Variants in KCNK2 observed in about 807,000 individuals in gnomAD.
KCNK2 encodes potassium two pore domain channel subfamily K member 2, also known as potassium channel subfamily K member 2.
KCNK2 carries 21 observed loss-of-function variants against 40.5 expected under a neutral mutation model. The observed-to-expected ratio is 0.52, with a 90% CI of 0.37 to 0.75. The LOEUF (loss-of-function observed/expected upper bound fraction) is 0.75. Among genes scored for constraint, KCNK2 ranks in the 30% least tolerant of loss-of-function variants. The pLI is 0.00. For missense variants in KCNK2, 399 were observed against 531.6 expected (o/e 0.75, Z 2.45); for synonymous variants, 191 against 202.2 (o/e 0.94, Z 0.47).
chr1:215,128,149 T>C (rs1661515184), intron 3 of KCNK2, among the ~76,000 whole-genome samples: 1 of 152,154 alleles, frequency 6.6e-6, no homozygotes, highest in Non-Finnish European at 1.5e-5. Flanking sequence ...GAGAAAGAGT[T>C]GAGGGATGCT....
chr1:215,036,997 T>C (rs1650979780), intron 1 of KCNK2, among the ~76,000 whole-genome samples: 1 of 89,044 alleles, frequency 1.1e-5, no homozygotes, highest in Non-Finnish European at 2.3e-5. Flanking sequence ...TAATGCCTTT[T>C]ATTCCTTTTT....
At position 215,086,497 on chromosome 1, in the gene KCNK2, G is replaced by A; in HGVS notation, c.176G>A (p.Trp59Ter). The part of the protein sequence containing the change: ...ESDTTINVMK[W>*]KTVSTIFLVV... ...GACACGACCATTAATGTTATGAAATGGAAGACGGTCTCCACGATATTCCTG... is the reference window on the plus strand; with the variant it reads ...GACACGACCATTAATGTTATGAAATAGAAGACGGTCTCCACGATATTCCTG... Residue 59 changes from tryptophan to a stop codon, truncating the protein, a stop_gained, in exon 2 of 7, where the codon TGG becomes TAG. Coordinates refer to ENST00000444842, the MANE Select transcript of KCNK2 (RefSeq NM_001017425.3). LOFTEE classifies it high-confidence loss of function. 6.2e-7 allele frequency: 1 copy of A among 1,614,144 alleles called. No homozygotes were observed. Among genetic ancestry groups the A allele is most frequent in the Non-Finnish European group, 8.5e-7 (1 of 1,180,030 alleles).
At chr1:215,013,096 C>T (rs1656464856) in intron 1 of KCNK2, among the ~76,000 whole-genome samples, 1 of 151,258 alleles carries the variant, frequency 6.6e-6, no homozygotes, top group African/African-American at 2.4e-5. Context: ...TTTCTTTTTT[C>T]AAAATATTTG....
rs565952758 is a variant in KCNK2, at chr1:215,235,421, T to C, written c.*276T>C. 8.1e-6 allele frequency: 3 copies of C among 369,046 alleles called. No individual in the cohort carries two copies. Among genetic ancestry groups the C allele is most frequent in the African/African-American group, 2.0e-5 (1 of 49,620 alleles). The allele number at this position is 369,046 out of a possible 1,614,324, so 22.9% of individuals were successfully genotyped here. A position where few individuals can be genotyped will look rare whatever the true frequency, so the allele number is the denominator to read the frequency against. ...TGCCCAGACTGTTTTCCTCTCTCTT[T>C]CCCTAATGTGCCATAAGGCCTCAGA... On this transcript the variant is annotated 3_prime_UTR_variant, in exon 7 of 7. Transcript: ENST00000444842.
Position 215,059,048 on chromosome 1 carries a change from T to C in KCNK2, c.35-27320T>C, listed in dbSNP as rs749325730. On this transcript the variant is annotated intron_variant, in intron 1 of 6. Coordinates refer to the KCNK2 transcript ENST00000391895. ...GTATGTATGTGTGTGTGTATGCACA[T>C]ATACATGTGTATATATATATACACA... Among the ~76,000 whole-genome samples, 26 of 149,042 alleles carry C rather than the reference T, an allele frequency of 1.7e-4. 2 individuals are homozygous for C. Among genetic ancestry groups the C allele is most frequent in the Middle Eastern group, 3.4e-3 (1 of 292 alleles).
At chr1:215,038,666 A>G (rs1657464640) in intron 1 of KCNK2, among the ~76,000 whole-genome samples, 2 of 152,134 alleles carry the variant, frequency 1.3e-5, no homozygotes, top group East Asian at 1.9e-4. Context: ...CTTCTAGAAC[A>G]GGGAAGCCTT....
intron 1 of KCNK2, among the ~76,000 whole-genome samples, chr1:215,007,039 G>GTGTGTGTGTGTGTATATATATA (rs1558053946): frequency 2.9e-5 from 2 of 69,694 alleles, no homozygotes; most frequent in Admixed American, 1.4e-4. Context: ...ATATATATAT[G>GTGTGTGTGTGTGTATATATATA]TGTGTGTGTG....
intron 1 of KCNK2, among the ~76,000 whole-genome samples, chr1:215,032,292 C>G (rs891560160): frequency 2.6e-5 from 4 of 151,830 alleles, no homozygotes; most frequent in African/African-American, 9.7e-5. Flanking sequence ...TGTCTGTGGT[C>G]CCAGCTACTA....
intron 6 of KCNK2, among the ~76,000 whole-genome samples, chr1:215,223,241 T>TAAAAAAAAAAAAAAAAAAAAAAAAAAA (rs56890763): frequency 8.9e-6 from 1 of 112,054 alleles, no homozygotes; most frequent in Admixed American, 9.7e-5. Flanking sequence ...AGCTCTTTTC[T>TAAAAAAAAAAAAAAAAAAAAAAAAAAA]AAAAAAAAAA....
chr1:215,064,667 G>A (rs905964112), intron 1 of KCNK2, among the ~76,000 whole-genome samples: 5 of 152,148 alleles, frequency 3.3e-5, no homozygotes, highest in African/African-American at 1.2e-4. Context: ...GGGAAGAAGA[G>A]GATGATACCA....
intron 6 of KCNK2, among the ~76,000 whole-genome samples, chr1:215,214,315 A>G (rs1665869600): frequency 6.6e-6 from 1 of 152,110 alleles, no homozygotes; most frequent in Non-Finnish European, 1.5e-5. Context: ...AAACAACCAG[A>G]TCTTACAGTA....
chr1:215,018,073 A>G (rs1455627540), intron 1 of KCNK2, among the ~76,000 whole-genome samples: 1 of 152,212 alleles, frequency 6.6e-6, no homozygotes, highest in Non-Finnish European at 1.5e-5. Flanking sequence ...AATTGAGAAC[A>G]TATATAATAA....
chr1:215,121,956 A>G (rs1173903894), intron 2 of KCNK2, among the ~76,000 whole-genome samples: 1 of 152,198 alleles, frequency 6.6e-6, no homozygotes, highest in Non-Finnish European at 1.5e-5. Context: ...CAAACAGAAG[A>G]TCTTTGATAT....
In KCNK2 at chr1:215,126,855, G is replaced by A. The variant is rs1197208610; in HGVS notation, c.475+2105G>A. Among the ~76,000 whole-genome samples, 3 of 152,076 alleles carry A rather than the reference G, an allele frequency of 2.0e-5. No homozygotes were observed. The South Asian group carries it at 6.2e-4, about 32-fold the overall frequency. On this transcript the variant is annotated intron_variant, in intron 3 of 6. Transcript: ENST00000444842. ...TCTTCAGTGGATTAAGTCATTCTGA[G>A]TGACCCACATGAGGACTTTTTACTG...
intron 3 of KCNK2, 144 bp from the exon 4 acceptor site, chr1:215,169,055 A>G (rs1361448661): frequency 8.9e-6 from 5 of 560,380 alleles, no homozygotes; most frequent in Non-Finnish European, 1.6e-5. Flanking sequence ...AACATATTAC[A>G]ATAGTATGTA....
chr1:215,031,599 T>C lies in KCNK2; in HGVS notation c.34+25644T>C, dbSNP rs556341199. ...TTTGGATTAGGGTGCTGAGTTGGCA[T>C]AATGCAAATTCTTCAAAATCTGAAA... On this transcript the variant is annotated intron_variant, in intron 1 of 6. Transcript: ENST00000391895. Among the ~76,000 whole-genome samples, 42 of 152,272 alleles carry C rather than the reference T, an allele frequency of 2.8e-4. No homozygotes were observed. The South Asian group carries it at 3.9e-3, about 14-fold the overall frequency.
At chr1:215,202,040 GA>G (rs1558136484) in intron 6 of KCNK2, among the ~76,000 whole-genome samples, 1 of 152,098 alleles carries the variant, frequency 6.6e-6, no homozygotes, top group Non-Finnish European at 1.5e-5. Flanking sequence ...TTCTCTTACT[GA>G]GATATTCAAG....
upstream of KCNK2, among the ~76,000 whole-genome samples, chr1:215,077,838 C>T (rs1659001577): frequency 1.3e-5 from 2 of 152,164 alleles, no homozygotes; most frequent in African/African-American, 4.8e-5. Context: ...CTTCTTTACA[C>T]CAGCCTTCCC....
intron 1 of KCNK2, among the ~76,000 whole-genome samples, chr1:215,032,132 G>A (rs1167314937): frequency 3.3e-5 from 5 of 149,864 alleles, no homozygotes; most frequent in African/African-American, 1.2e-4. Context: ...AGAAGGGCAG[G>A]GACAGTGGTT....
Sources: gnomAD v4.1 joint callset for allele counts (sites outside exome capture counted in the v4.1 genomes callset) on GRCh38, gnomAD v4.1.1 for gene constraint, MANE v1.5 for transcripts, NCBI Gene and HGNC (gene_info 2026-07-23, HGNC 2026-07-21) for gene names.